The following ZNF362 variants were observed in gnomAD, a reference collection of about 807,000 sequenced individuals.
The protein encoded by ZNF362 is rotund homolog.
A neutral mutation model predicts 42.9 loss-of-function variants in ZNF362; 11 were observed. The ratio of observed to expected loss-of-function variants is 0.26; its 90% CI spans 0.16 to 0.42. The LOEUF (loss-of-function observed/expected upper bound fraction) is 0.42, where lower values mean the gene tolerates loss of function less well. ZNF362 is among the 20% of genes least tolerant of loss of function. The pLI, the probability that ZNF362 is intolerant of heterozygous loss-of-function variation, is 1.00. For synonymous variants in ZNF362, 255 were observed against 257.3 expected, an observed-to-expected ratio of 0.99 and a Z score of 0.09; for missense variants, 362 against 576.2, an observed-to-expected ratio of 0.63 and a Z score of 3.81.
the ZNF362 span, among the ~76,000 whole-genome samples, chr1:33,237,706 TG>T: frequency 6.6e-6 from 1 of 152,184 alleles, no homozygotes; most frequent in Non-Finnish European, 1.5e-5. Context: ...TTCTTCTTCC[TG>T]GGCCCACAAG....
At chr1:33,227,466 G>A in the ZNF362 span, among the ~76,000 whole-genome samples, 1 of 152,186 alleles carries the variant, frequency 6.6e-6, no homozygotes, top group Admixed American at 6.5e-5. Context: ...TATAAGCCAT[G>A]AAGGAGACAT....
chr1:33,278,205 A>G (rs2148101852), intron 4 of ZNF362, among the ~76,000 whole-genome samples: 1 of 152,380 alleles, frequency 6.6e-6, no homozygotes, highest in South Asian at 2.1e-4. Context: ...TGAGCAGCTC[A>G]GAGAGGCTGT....
the ZNF362 span, among the ~76,000 whole-genome samples, chr1:33,131,288 G>A: frequency 6.6e-6 from 1 of 152,146 alleles, no homozygotes; most frequent in African/African-American, 2.4e-5. Flanking sequence ...TAGGCACTGG[G>A]GACAAACAAG....
At chr1:33,152,779 G>A in the ZNF362 span, among the ~76,000 whole-genome samples, 1 of 152,128 alleles carries the variant, frequency 6.6e-6, no homozygotes, top group Non-Finnish European at 1.5e-5. Flanking sequence ...GGAGTGCATT[G>A]CTCTGGGTCA....
In ZNF362 at chr1:33,285,922, G is replaced by A. The variant is rs1416395759; in HGVS notation, c.908+4111G>A. Among the ~76,000 whole-genome samples, 3 of 152,198 alleles carry A rather than the reference G, an allele frequency of 2.0e-5. No individual in the cohort carries two copies. In the East Asian group the frequency reaches 5.8e-4, roughly 29 times the overall value. ...TACTAAAAATACAAAAATTAGCCAGGTGTGGTGGCGGGTGCCTGTAATTCC... is the reference window on the plus strand; with the variant it reads ...TACTAAAAATACAAAAATTAGCCAGATGTGGTGGCGGGTGCCTGTAATTCC... On this transcript the variant is annotated intron_variant, in intron 6 of 8. Transcript: ENST00000539719.
chr1:33,205,560 AT>A, the ZNF362 span, among the ~76,000 whole-genome samples: 1 of 152,194 alleles, frequency 6.6e-6, no homozygotes, highest in Non-Finnish European at 1.5e-5. Flanking sequence ...TGAAGGACTT[AT>A]TTGACTTTAT....
chr1:33,240,282 T>A, the ZNF362 span, among the ~76,000 whole-genome samples: 3 of 152,172 alleles, frequency 2.0e-5, no homozygotes, highest in Non-Finnish European at 4.4e-5. Context: ...GCGGGAATCA[T>A]CTGGTCTGGG....
chr1:33,227,980 G>T, the ZNF362 span, among the ~76,000 whole-genome samples: 1 of 152,118 alleles, frequency 6.6e-6, no homozygotes, highest in Admixed American at 6.5e-5. Context: ...TGTTTGCCCT[G>T]ACTCGGAATT....
At chr1:33,260,820 A>G (rs1645823826) in intron 1 of ZNF362, among the ~76,000 whole-genome samples, 1 of 152,116 alleles carries the variant, frequency 6.6e-6, no homozygotes, top group South Asian at 2.1e-4. Context: ...GGAAATAATG[A>G]GATGATTAAA....
At chr1:33,152,631 TAAAC>T in the ZNF362 span, among the ~76,000 whole-genome samples, 1 of 146,416 alleles carries the variant, frequency 6.8e-6, no homozygotes, top group Admixed American at 6.8e-5. Context: ...ATAATAACAA[TAAAC>T]AGACAGGAAT....
the ZNF362 span, chr1:33,159,724 T>G: frequency 6.2e-7 from 1 of 1,611,626 alleles, no homozygotes. This position sits in a 1 kb window ranked among gnomAD's most constrained non-coding sequence, Gnocchi z 4.2. Flanking sequence ...CAGGAAGGTG[T>G]GCCGGTCGGT....
At chr1:33,295,345 A>G in intron 8 of ZNF362, 40 bp downstream of exon 8, 2 of 1,600,404 alleles carry the variant, frequency 1.2e-6, no homozygotes, top group Non-Finnish European at 1.7e-6. Flanking sequence ...CGGGGGAGCC[A>G]CTTCGTCTTC....
At chr1:33,147,531 C>T in the ZNF362 span, 335 of 1,613,926 alleles carry the variant, frequency 2.1e-4, 2 homozygotes, top group Middle Eastern at 7.8e-3. The surrounding 1 kb of genome is among the most constrained non-coding windows in gnomAD (Gnocchi z 8.1). Flanking sequence ...GGGTCTTCTC[C>T]GCCACCACCA....
rs367880803 is a variant in ZNF362 at position 33,298,977 on chromosome 1, C to T, written c.1194C>T (p.His398=). 1.2e-6 allele frequency: 2 copies of T among 1,613,732 alleles called. No homozygotes were observed. The change falls in exon 9 of 9, where the codon CAC becomes CAT. Residue 398 remains histidine (H), a synonymous_variant. Coordinates refer to ENST00000539719, the MANE Select transcript of ZNF362 (RefSeq NM_152493.3). The stretch of plus-strand genomic sequence containing the variant: ...TGTCCAAACACACGGTGGTGGAGCA[C>T]CTGGTGAGCCATCACTCGCCCCAGA... The part of the protein sequence containing the change: ...KHMSKHTVVE[H]LVSHHSPQRT...
upstream of ZNF362, among the ~76,000 whole-genome samples, chr1:33,256,172 T>TGGC (rs535478080): frequency 2.7e-4 from 39 of 145,594 alleles, no homozygotes; most frequent in South Asian, 8.5e-4. Context: ...TGCCAGGCGG[T>TGGC]GGCGGCGGCG....
the ZNF362 span, chr1:33,180,878 C>A: frequency 7.3e-3 from 2,216 of 303,484 alleles, 26 homozygotes; most frequent in Non-Finnish European, 9.3e-3. Flanking sequence ...CCGCGTTACT[C>A]CTGATAGGGC....
chr1:33,250,829 A>AG, the ZNF362 span, among the ~76,000 whole-genome samples: 1 of 145,914 alleles, frequency 6.9e-6, no homozygotes, highest in African/African-American at 2.5e-5. Flanking sequence ...GAGAAGAAGA[A>AG]AAGAAGAAGA....
the ZNF362 span, among the ~76,000 whole-genome samples, chr1:33,149,379 C>G: frequency 1.4e-4 from 22 of 152,122 alleles, no homozygotes; most frequent in East Asian, 2.9e-3. Flanking sequence ...GTCTTGAACT[C>G]CTGGCCTCAA....
At chr1:33,145,788 G>C in the ZNF362 span, 3 of 460,286 alleles carry the variant, frequency 6.5e-6, no homozygotes, top group African/African-American at 6.0e-5. Context: ...ACCCTCTCCC[G>C]AGTTCTTCAC....
Sources: allele counts gnomAD v4.1 joint callset (sites outside exome capture counted in the v4.1 genomes callset), GRCh38; gene constraint gnomAD v4.1.1; non-coding constraint Gnocchi (gnomAD v3.1); transcripts MANE v1.5; gene names NCBI Gene and HGNC (gene_info 2026-07-23, HGNC 2026-07-21).